Variants in CDK14 observed in about 807,000 individuals in gnomAD.
The protein encoded by CDK14 is cyclin-dependent kinase 14.
Under a neutral mutation model 60.7 loss-of-function variants are expected in CDK14, and 34 were observed. The ratio of observed to expected loss-of-function variants is 0.56; its 90% confidence interval spans 0.43 to 0.75. The LOEUF (loss-of-function observed/expected upper bound fraction) is 0.75, where lower values mean the gene tolerates loss of function less well. Ranked by LOEUF, CDK14 falls within the 30% of genes least tolerant of loss-of-function variation. The pLI is 0.00. For missense variants in CDK14, 482 were observed against 564.1 expected, an observed-to-expected ratio of 0.85 and a Z score of 1.47; for synonymous variants, 197 against 203.7, an observed-to-expected ratio of 0.97 and a Z score of 0.28.
In CDK14 at chr7:90,860,589, G is replaced by T. The variant is rs13243594; in HGVS notation, c.545-2586G>T. ...TTGCCAGGCTGGACTGCAGTGGTGT[G>T]ATCTCAGCTCACTGCAACCTCCACC... On this transcript the variant is annotated intron_variant, in intron 5 of 14. Coordinates refer to ENST00000380050, the MANE Select transcript of CDK14 (RefSeq NM_001287135.2). 4.5e-3 allele frequency among the ~76,000 whole-genome samples: 650 copies of T among 145,634 alleles called. 4 individuals carry two copies. Among genetic ancestry groups the T allele is most frequent in the Non-Finnish European group, 5.7e-3 (383 of 67,066 alleles).
At chr7:91,180,942 A>G (rs1391208259) in intron 14 of CDK14, among the ~76,000 whole-genome samples, 1 of 152,230 alleles carries the variant, frequency 6.6e-6, no homozygotes, top group African/African-American at 2.4e-5. Context: ...CCTCTGATCT[A>G]CATGCACTCT....
intron 12 of CDK14, among the ~76,000 whole-genome samples, chr7:91,106,360 T>C (rs189477634): frequency 6.6e-6 from 1 of 152,314 alleles, no homozygotes; most frequent in East Asian, 1.9e-4. Flanking sequence ...CATTATCCTG[T>C]ATGAAAACAA....
At chr7:90,852,324 A>G (rs181796273) in intron 5 of CDK14, among the ~76,000 whole-genome samples, 2 of 152,226 alleles carry the variant, frequency 1.3e-5, no homozygotes, top group African/African-American at 2.4e-5. Flanking sequence ...ACATTTTGCT[A>G]TATGTAACTT....
At chr7:90,801,038 G>A (rs1160261272) in intron 5 of CDK14, among the ~76,000 whole-genome samples, 1 of 152,150 alleles carries the variant, frequency 6.6e-6, no homozygotes, top group Non-Finnish European at 1.5e-5. Context: ...TCTTAACTTA[G>A]CTAATTATGT....
At chr7:90,633,462 T>C (rs1036635038) in intron 2 of CDK14, among the ~76,000 whole-genome samples, 1 of 152,210 alleles carries the variant, frequency 6.6e-6, no homozygotes, top group African/African-American at 2.4e-5. Flanking sequence ...AAATTTTGTT[T>C]ATTTTTATTT....
intron 10 of CDK14, among the ~76,000 whole-genome samples, chr7:91,023,405 T>G (rs1796485943): frequency 6.6e-6 from 1 of 152,210 alleles, no homozygotes; most frequent in African/African-American, 2.4e-5. Context: ...AGAGACAATT[T>G]CTACTGTTGA....
At chr7:91,013,141 C>G (rs1177071035) in intron 10 of CDK14, among the ~76,000 whole-genome samples, 4 of 152,254 alleles carry the variant, frequency 2.6e-5, no homozygotes, top group Admixed American at 1.3e-4. Context: ...TTCCCAAACA[C>G]AGGCCTAGGT....
At chr7:90,980,102 G>GA (rs760027350) in intron 9 of CDK14, among the ~76,000 whole-genome samples, 25 of 152,046 alleles carry the variant, frequency 1.6e-4, no homozygotes, top group Non-Finnish European at 3.1e-4. Context: ...GAATTGTGAT[G>GA]AAAAAAATCA....
intron 5 of CDK14, among the ~76,000 whole-genome samples, chr7:90,809,126 A>G (rs935644000): frequency 2.6e-5 from 4 of 152,222 alleles, no homozygotes; most frequent in Admixed American, 6.5e-5. Context: ...TGGACCTAAT[A>G]GACATCTACA....
intron 12 of CDK14, among the ~76,000 whole-genome samples, chr7:91,087,693 C>T (rs1337728261): frequency 6.6e-6 from 1 of 152,176 alleles, no homozygotes; most frequent in African/African-American, 2.4e-5. Flanking sequence ...TTTCATTCAG[C>T]TCCGAATAAG....
chr7:91,118,305 CTA>C (rs1204966396), intron 14 of CDK14, 97 bp downstream of exon 14: 1 of 606,996 alleles, frequency 1.6e-6, no homozygotes, highest in Non-Finnish European at 2.9e-6. Flanking sequence ...ACCAACTATC[CTA>C]TGAGTCTCTT....
intron 12 of CDK14, among the ~76,000 whole-genome samples, chr7:91,089,177 T>C (rs192550477): frequency 2.6e-5 from 4 of 152,310 alleles, no homozygotes; most frequent in South Asian, 4.1e-4. Flanking sequence ...TGATGTACTT[T>C]GGAGATGTTA....
At chr7:90,666,144 A>G (rs1222954525) in intron 2 of CDK14, among the ~76,000 whole-genome samples, 1 of 152,122 alleles carries the variant, frequency 6.6e-6, no homozygotes, top group Non-Finnish European at 1.5e-5. Context: ...CAAGTGCTTC[A>G]TGGGACCTTT....
intron 4 of CDK14, among the ~76,000 whole-genome samples, chr7:90,784,682 T>A (rs1562768638): frequency 6.6e-6 from 1 of 152,228 alleles, no homozygotes; most frequent in Non-Finnish European, 1.5e-5. Flanking sequence ...AATTTTAATT[T>A]ATTTTTCTGG....
intron 14 of CDK14, among the ~76,000 whole-genome samples, chr7:91,185,143 A>G (rs917169267): frequency 2.0e-5 from 3 of 147,064 alleles, no homozygotes; most frequent in African/African-American, 7.6e-5. Flanking sequence ...GACCCGGGGG[A>G]CTCAGTGGTG....
intron 2 of CDK14, among the ~76,000 whole-genome samples, chr7:90,658,190 G>T (rs1075013): frequency 2.0e-5 from 3 of 151,992 alleles, no homozygotes; most frequent in South Asian, 4.1e-4. Context: ...ATGGAATCAC[G>T]CACCATCTTA....
intron 2 of CDK14, among the ~76,000 whole-genome samples, chr7:90,692,003 AAGG>A (rs1487337434): frequency 5.3e-5 from 8 of 152,036 alleles, no homozygotes; most frequent in African/African-American, 1.9e-4. Flanking sequence ...TTTGAGAGGA[AAGG>A]TGCATTTTCT....
Position 90,830,830 on chromosome 7 carries a change from C to T in CDK14, c.545-32345C>T, listed in dbSNP as rs572995018. Among the ~76,000 whole-genome samples, 14 of 152,216 alleles carry T rather than the reference C, an allele frequency of 9.2e-5. No homozygotes were observed. The South Asian group carries it at 2.9e-3, about 32-fold the overall frequency. On this transcript the variant is annotated intron_variant, in intron 5 of 14. Coordinates refer to ENST00000380050, the MANE Select transcript of CDK14 (RefSeq NM_001287135.2). ...TTCATCTTTCTCAAGTTTAAATTTC[C>T]ACAGATCTCTAGGGCAGGAGCAAAA...
intron 11 of CDK14, among the ~76,000 whole-genome samples, chr7:91,058,025 T>A (rs1204545500): frequency 6.6e-6 from 1 of 152,078 alleles, no homozygotes; most frequent in African/African-American, 2.4e-5. Context: ...ATATTGATTC[T>A]TCCTACCCAT....
Sources: gnomAD v4.1 joint callset for allele counts (sites outside exome capture counted in the v4.1 genomes callset) on GRCh38, gnomAD v4.1.1 for gene constraint, MANE v1.5 for transcripts, NCBI Gene and HGNC (gene_info 2026-07-23, HGNC 2026-07-21) for gene names.